CSGALNACT1: variants seen among roughly 807,000 people sequenced by gnomAD.
The protein encoded by CSGALNACT1 is chondroitin sulfate N-acetylgalactosaminyltransferase 1, also known as beta4GalNAcT-1.
CSGALNACT1 carries 52 observed loss-of-function variants against 51.0 expected under a neutral mutation model. That is an observed-to-expected ratio of 1.02 (90% CI 0.82 to 1.29). The LOEUF (loss-of-function observed/expected upper bound fraction) is 1.29, where lower values mean the gene tolerates loss of function less well. Among genes scored for constraint, CSGALNACT1 ranks in the 50% most tolerant of loss-of-function variants. The pLI, the probability that CSGALNACT1 is intolerant of heterozygous loss-of-function variation, is 0.00. For synonymous variants in CSGALNACT1, 341 were observed against 254.4 expected, an observed-to-expected ratio of 1.34 and a Z score of -3.24; for missense variants, 935 against 679.2, an observed-to-expected ratio of 1.38 and a Z score of -4.19.
At chr8:19,480,749 G>A in intron 4 of CSGALNACT1, among the ~76,000 whole-genome samples, 1 of 152,138 alleles carries the variant, frequency 6.6e-6, no homozygotes, top group Non-Finnish European at 1.5e-5. Context: ...ACAGACAAGG[G>A]CTCATTTCTC....
intron 1 of CSGALNACT1, among the ~76,000 whole-genome samples, chr8:19,650,159 G>T (rs4922074): frequency 0.83 from 127,006 of 152,170 alleles, 53,266 homozygotes; most frequent in East Asian, 0.98. Flanking sequence ...TCCTGTTGGA[G>T]AGATGACATT....
chr8:19,486,413 G>T (rs909166340), intron 4 of CSGALNACT1, among the ~76,000 whole-genome samples: 2 of 152,106 alleles, frequency 1.3e-5, no homozygotes, highest in Non-Finnish European at 2.9e-5. Flanking sequence ...ATCTCACTGA[G>T]GGTAAAAGCC....
At chr8:19,726,360 T>C (rs2063401729) in intron 1 of CSGALNACT1, among the ~76,000 whole-genome samples, 1 of 152,226 alleles carries the variant, frequency 6.6e-6, no homozygotes, top group South Asian at 2.1e-4. Flanking sequence ...AGAACATTCA[T>C]ACAATCTAAT....
chr8:19,507,839 G>A (rs1365602529), intron 3 of CSGALNACT1, among the ~76,000 whole-genome samples: 1 of 152,186 alleles, frequency 6.6e-6, no homozygotes, highest in Non-Finnish European at 1.5e-5. Context: ...ATGTTGGCCA[G>A]GATGGTCTCT....
At chr8:19,590,376 T>C (rs1190935689) in intron 3 of CSGALNACT1, among the ~76,000 whole-genome samples, 1 of 152,200 alleles carries the variant, frequency 6.6e-6, no homozygotes, top group African/African-American at 2.4e-5. Flanking sequence ...TTGAGCTACA[T>C]TCCTTTTGGC....
chr8:19,439,174 GA>G (rs1033712295), intron 6 of CSGALNACT1, among the ~76,000 whole-genome samples: 3 of 152,220 alleles, frequency 2.0e-5, no homozygotes, highest in Non-Finnish European at 2.9e-5. Context: ...TTTTTATAGG[GA>G]AAAAAATCCA....
intron 1 of CSGALNACT1, among the ~76,000 whole-genome samples, chr8:19,650,466 T>C (rs1314022720): frequency 6.6e-6 from 1 of 152,250 alleles, no homozygotes; most frequent in Non-Finnish European, 1.5e-5. Context: ...CATTATTTTA[T>C]GCATAAGTGA....
chr8:19,497,737 A>C (rs964856845), intron 4 of CSGALNACT1, among the ~76,000 whole-genome samples: 2 of 152,158 alleles, frequency 1.3e-5, no homozygotes, highest in African/African-American at 4.8e-5. Flanking sequence ...TACTAAGCTA[A>C]AGAGAAAAGT....
intron 4 of CSGALNACT1, among the ~76,000 whole-genome samples, chr8:19,460,011 G>T (rs1360318436): frequency 6.6e-6 from 1 of 152,140 alleles, no homozygotes; most frequent in Non-Finnish European, 1.5e-5. Flanking sequence ...ATTTCCCAAT[G>T]TAAGGATCAA....
chr8:19,637,282 A>C (rs1299352003), intron 1 of CSGALNACT1, among the ~76,000 whole-genome samples: 2 of 152,188 alleles, frequency 1.3e-5, no homozygotes, highest in African/African-American at 2.4e-5. Context: ...GTTGGTAGGG[A>C]ATCAAACCAC....
At chr8:19,659,253 A>G (rs2058561788) in intron 1 of CSGALNACT1, among the ~76,000 whole-genome samples, 1 of 152,244 alleles carries the variant, frequency 6.6e-6, no homozygotes, top group Non-Finnish European at 1.5e-5. Context: ...TTAGAAAGCA[A>G]GACTAACTCA....
chr8:19,746,982 T>C (rs1055697924), intron 1 of CSGALNACT1, among the ~76,000 whole-genome samples: 3 of 152,194 alleles, frequency 2.0e-5, no homozygotes, highest in African/African-American at 7.2e-5. Context: ...AAAGAGCCAA[T>C]GCCTCCCACA....
chr8:19,461,447 G>T (rs2065332961), intron 4 of CSGALNACT1, among the ~76,000 whole-genome samples: 1 of 151,874 alleles, frequency 6.6e-6, no homozygotes, highest in Admixed American at 6.5e-5. Context: ...TCACTATGCA[G>T]GGCATAACTG....
chr8:19,644,427 G>T (rs2057054476), intron 1 of CSGALNACT1, among the ~76,000 whole-genome samples: 1 of 150,236 alleles, frequency 6.7e-6, no homozygotes, highest in African/African-American at 2.4e-5. Flanking sequence ...AGGTAATGAG[G>T]GGCGGGGTGC....
At chr8:19,626,990 T>C (rs900476672) in intron 1 of CSGALNACT1, among the ~76,000 whole-genome samples, 2 of 152,150 alleles carry the variant, frequency 1.3e-5, no homozygotes, top group Non-Finnish European at 2.9e-5. Context: ...CGGAAACAAT[T>C]TGACAGTTTT....
chr8:19,666,837 G>GAAAA (rs1564383781), intron 1 of CSGALNACT1, among the ~76,000 whole-genome samples: 1 of 52,858 alleles, frequency 1.9e-5, no homozygotes, highest in Admixed American at 1.8e-4. Context: ...GAGAGAGAAA[G>GAAAA]AAAGAAAGAA....
intron 3 of CSGALNACT1, among the ~76,000 whole-genome samples, chr8:19,584,648 T>G (rs1172108586): frequency 6.6e-6 from 1 of 152,232 alleles, no homozygotes; most frequent in African/African-American, 2.4e-5. Flanking sequence ...CTAAATACAC[T>G]TAGCGAAGAT....
chr8:19,667,579 C>G (rs141106384), intron 1 of CSGALNACT1, among the ~76,000 whole-genome samples: 2,660 of 152,286 alleles, frequency 0.017, 42 homozygotes, highest in Non-Finnish European at 0.025. Context: ...TGAACCAAGG[C>G]TGATGAATTA....
chr8:19,661,326 A>G (rs1034247311), intron 1 of CSGALNACT1, among the ~76,000 whole-genome samples: 1 of 152,212 alleles, frequency 6.6e-6, no homozygotes, highest in African/African-American at 2.4e-5. Flanking sequence ...GCATGTGAAG[A>G]TGAGTCACCT....
Sources: gnomAD v4.1 joint callset for allele counts (sites outside exome capture counted in the v4.1 genomes callset) on GRCh38, gnomAD v4.1.1 for gene constraint, MANE v1.5 for transcripts, NCBI Gene and HGNC (gene_info 2026-07-23, HGNC 2026-07-21) for gene names.